Variants in SPAG16 observed in about 807,000 individuals in gnomAD.
SPAG16 encodes the protein sperm-associated antigen 16 protein.
Under a neutral mutation model 80.4 loss-of-function variants are expected in SPAG16, and 86 were observed. The ratio of observed to expected loss-of-function variants is 1.07; its 90% CI spans 0.90 to 1.28. The LOEUF (loss-of-function observed/expected upper bound fraction) is 1.28. SPAG16 is among the 50% of genes most tolerant of loss of function. The pLI is 0.00. For missense variants in SPAG16, 870 were observed against 765.3 expected (o/e 1.14, Z -1.61); for synonymous variants, 294 against 265.9 (o/e 1.11, Z -1.03).
intron 14 of SPAG16, among the ~76,000 whole-genome samples, chr2:214,133,139 A>T (rs1261881908): frequency 6.7e-6 from 1 of 149,524 alleles, no homozygotes; most frequent in Non-Finnish European, 1.5e-5. Flanking sequence ...TAAAAAAAAA[A>T]CCTACCATTA....
chr2:214,221,112 A>G (rs1457867602), intron 15 of SPAG16, among the ~76,000 whole-genome samples: 1 of 152,164 alleles, frequency 6.6e-6, no homozygotes, highest in African/African-American at 2.4e-5. Context: ...CATAAGAAAT[A>G]TTTATCAGGT....
chr2:213,375,369 G>T, intron 9 of SPAG16: 1 of 322,470 alleles, frequency 3.1e-6, no homozygotes, highest in Non-Finnish European at 5.7e-6. Context: ...ACATAATCAT[G>T]ATCATGTCTG....
At chr2:214,208,797 G>T (rs2058214567) in intron 15 of SPAG16, among the ~76,000 whole-genome samples, 1 of 151,966 alleles carries the variant, frequency 6.6e-6, no homozygotes, top group African/African-American at 2.4e-5. Flanking sequence ...ACATAGACAG[G>T]GCACTTAATC....
At chr2:214,214,022 C>G (rs553436961) in intron 15 of SPAG16, among the ~76,000 whole-genome samples, 1 of 152,104 alleles carries the variant, frequency 6.6e-6, no homozygotes, top group Non-Finnish European at 1.5e-5. Context: ...AACTCGGGCT[C>G]TCTTCTCAAA....
intron 12 of SPAG16, among the ~76,000 whole-genome samples, chr2:213,976,129 T>TACAC: frequency 9.6e-6 from 1 of 104,670 alleles, no homozygotes; most frequent in East Asian, 3.3e-4. Flanking sequence ...TATATATATA[T>TACAC]ATATATACAC....
At chr2:213,300,160 C>A (rs768002899) in intron 3 of SPAG16, among the ~76,000 whole-genome samples, 1 of 152,024 alleles carries the variant, frequency 6.6e-6, no homozygotes, top group Non-Finnish European at 1.5e-5. Context: ...GAATTTTGAT[C>A]TTTAAATATG....
intron 13 of SPAG16, among the ~76,000 whole-genome samples, chr2:214,092,567 A>G (rs895196452): frequency 6.6e-6 from 1 of 151,620 alleles, no homozygotes; most frequent in Admixed American, 6.6e-5. Context: ...AAAATTTTTA[A>G]CAAATCAAAT....
At chr2:213,646,474 A>G (rs925730578) in intron 10 of SPAG16, among the ~76,000 whole-genome samples, 4 of 152,242 alleles carry the variant, frequency 2.6e-5, no homozygotes, top group Non-Finnish European at 4.4e-5. Context: ...AGCACTTTAC[A>G]GAACAGGAAT....
At position 214,037,463 on chromosome 2, in the gene SPAG16, G is replaced by A. The variant is rs375084216; in HGVS notation, c.1527+23386G>A. On this transcript the variant is annotated intron_variant, in intron 13 of 15. Coordinates refer to ENST00000331683, the MANE Select transcript of SPAG16 (RefSeq NM_024532.5). ...TAGTATATGATTACATTTTAAGAATGCCCAATGAATGTTTGAGAAGAAGAT... is the reference window on the plus strand; with the variant it reads ...TAGTATATGATTACATTTTAAGAATACCCAATGAATGTTTGAGAAGAAGAT... Among the ~76,000 whole-genome samples, 16 of 152,058 alleles carry A rather than the reference G, an allele frequency of 1.1e-4. No homozygotes were observed. In the East Asian group the frequency reaches 1.5e-3, roughly 15 times the overall value.
intron 1 of SPAG16, among the ~76,000 whole-genome samples, chr2:213,289,422 AC>A (rs1274353520): frequency 2.6e-5 from 4 of 151,994 alleles, no homozygotes; most frequent in African/African-American, 9.7e-5. Context: ...GTACATTTCC[AC>A]TCTTGCCAAT....
intron 15 of SPAG16, among the ~76,000 whole-genome samples, chr2:214,221,212 C>A (rs2058558218): frequency 6.6e-6 from 1 of 152,128 alleles, no homozygotes; most frequent in Non-Finnish European, 1.5e-5. Context: ...TTCACTCTCA[C>A]AGTAGTTTTA....
intron 12 of SPAG16, among the ~76,000 whole-genome samples, chr2:213,931,470 T>A (rs138732824): frequency 9.4e-4 from 143 of 152,334 alleles, no homozygotes; most frequent in Middle Eastern, 3.4e-3. Flanking sequence ...AATATTTTTA[T>A]AATAGATTAA....
chr2:213,772,089 G>A (rs940745393), intron 10 of SPAG16, among the ~76,000 whole-genome samples: 1 of 152,172 alleles, frequency 6.6e-6, no homozygotes, highest in Non-Finnish European at 1.5e-5. Context: ...AGCATGGAAT[G>A]TTTTTCCATT....
intron 10 of SPAG16, among the ~76,000 whole-genome samples, chr2:213,838,044 T>G (rs1358731573): frequency 6.6e-6 from 1 of 152,136 alleles, no homozygotes; most frequent in Non-Finnish European, 1.5e-5. Context: ...ATCAGTGTTT[T>G]GCTGCCGTTC....
At chr2:213,827,797 AT>A (rs923560547) in intron 10 of SPAG16, among the ~76,000 whole-genome samples, 20 of 144,700 alleles carry the variant, frequency 1.4e-4, no homozygotes, top group African/African-American at 3.3e-4. Flanking sequence ...ATTCTAGGAT[AT>A]TTTTTTTTTC....
chr2:214,108,477 A>AC lies in SPAG16; in HGVS notation c.1593+217dup, dbSNP rs1230372065. Among the ~76,000 whole-genome samples, 39 of 64,520 alleles carry AC rather than the reference A, an allele frequency of 6.0e-4. No homozygotes were observed. The South Asian group carries it at 0.013, about 21-fold the overall frequency. The allele number at this position is 64,520 out of a possible 152,430, so 42.3% of individuals were successfully genotyped here. A position where few individuals can be genotyped will look rare whatever the true frequency, so the allele number is the denominator to read the frequency against. On this transcript the variant is annotated intron_variant, in intron 14 of 15. Coordinates refer to ENST00000331683, the MANE Select transcript of SPAG16 (RefSeq NM_024532.5). ...CACACACACACACACACACACACAC[A>AC]CACCCCCACACACACCCCAAGTCGT...
intron 11 of SPAG16, among the ~76,000 whole-genome samples, chr2:213,900,569 C>G (rs2077179855): frequency 6.6e-6 from 1 of 152,118 alleles, no homozygotes; most frequent in African/African-American, 2.4e-5. Context: ...ATTCTTTCAT[C>G]TCTCCTCTTG....
At chr2:213,535,730 C>G (rs1026416999) in intron 10 of SPAG16, among the ~76,000 whole-genome samples, 3 of 152,048 alleles carry the variant, frequency 2.0e-5, no homozygotes, top group Non-Finnish European at 2.9e-5. Flanking sequence ...ATTTAAAAGT[C>G]TCTATCATAA....
chr2:213,320,551 C>T (rs1490010849), intron 5 of SPAG16, among the ~76,000 whole-genome samples: 2 of 151,940 alleles, frequency 1.3e-5, no homozygotes, highest in African/African-American at 2.4e-5. Flanking sequence ...CTTCATCTCC[C>T]CTTTCCACCC....
Sources: allele counts gnomAD v4.1 joint callset (sites outside exome capture counted in the v4.1 genomes callset), GRCh38; gene constraint gnomAD v4.1.1; transcripts MANE v1.5; gene names NCBI Gene and HGNC (gene_info 2026-07-23, HGNC 2026-07-21).